Variants in GPAT3 observed in about 807,000 individuals in gnomAD.
GPAT3 encodes 1-AGP acyltransferase 9.
In GPAT3, 53 loss-of-function variants were observed where a neutral mutation model predicts 58.8. That is an observed-to-expected ratio of 0.90 (90% CI 0.72 to 1.13). The LOEUF (loss-of-function observed/expected upper bound fraction) is 1.13. Ranked by LOEUF, GPAT3 falls within the 50% of genes most tolerant of loss-of-function variation. The pLI, the probability that GPAT3 is intolerant of heterozygous loss-of-function variation, is 0.00. For synonymous variants in GPAT3, 197 were observed against 187.4 expected (o/e 1.05, Z -0.42); for missense variants, 511 against 527.6 (o/e 0.97, Z 0.31).
At chr4:83,578,256 A>G (rs1046499847) in intron 2 of GPAT3, among the ~76,000 whole-genome samples, 51 of 152,150 alleles carry the variant, frequency 3.4e-4, no homozygotes, top group African/African-American at 1.2e-3. Context: ...AATTTTTTGT[A>G]TGTCTTAATA....
At chr4:83,547,275 T>C (rs1261587276) in intron 2 of GPAT3, among the ~76,000 whole-genome samples, 40 of 128,418 alleles carry the variant, frequency 3.1e-4, no homozygotes, top group African/African-American at 5.9e-4. Context: ...TTTTTTGAGA[T>C]GGAGTCTTGC....
At chr4:83,586,944 T>C (rs1726396078) in intron 3 of GPAT3, among the ~76,000 whole-genome samples, 1 of 152,242 alleles carries the variant, frequency 6.6e-6, no homozygotes, top group Non-Finnish European at 1.5e-5. Context: ...CTTGATAGTT[T>C]TGTGAAAATT....
At chr4:83,539,526 G>A (rs1250516906) in intron 1 of GPAT3, among the ~76,000 whole-genome samples, 2 of 152,078 alleles carry the variant, frequency 1.3e-5, no homozygotes, top group African/African-American at 4.8e-5. Flanking sequence ...ATGTGTGTAG[G>A]GTACCCTCTA....
In GPAT3 at chr4:83,536,237, C is replaced by T. The variant is rs1724075845; in HGVS notation, c.-386C>T. 4.0e-6 allele frequency: 4 copies of T among 1,001,338 alleles called. No individual in the cohort carries two copies. Among genetic ancestry groups the T allele is most frequent in the Admixed American group, 6.0e-5 (1 of 16,636 alleles). The allele number at this position is 1,001,338 out of a possible 1,614,324, so 62.0% of individuals were successfully genotyped here. A position where few individuals can be genotyped will look rare whatever the true frequency, so the allele number is the denominator to read the frequency against. ...TCATCTGCTGAGTTGTCGCAATCGC[C>T]ACCCAGAGGAAATCAGGCACCGGGC... is the stretch of plus-strand genomic sequence containing the variant. On this transcript the variant is annotated 5_prime_UTR_variant, in exon 1 of 12. Coordinates refer to ENST00000264409, the MANE Select transcript of GPAT3 (RefSeq NM_032717.5).
At chr4:83,559,434 C>T (rs1216995544) in intron 2 of GPAT3, among the ~76,000 whole-genome samples, 1 of 152,114 alleles carries the variant, frequency 6.6e-6, no homozygotes. Flanking sequence ...AGCGATTCTC[C>T]TGCCTCAGCC....
Position 83,553,330 on chromosome 4 carries a change from A to G in GPAT3, c.208+8728A>G, listed in dbSNP as rs1354015603. On this transcript the variant is annotated intron_variant, in intron 2 of 11. Coordinates refer to ENST00000264409, the MANE Select transcript of GPAT3 (RefSeq NM_032717.5). ...TCTAAGGAAACTAGCTAGGACATTC[A>G]TAAAATGTCTTGAATTATTTTTTAG... Among the ~76,000 whole-genome samples the G allele has an allele frequency of 2.0e-5, 3 of 152,392 alleles. No individual in the cohort carries two copies. In the East Asian group the frequency reaches 5.8e-4, roughly 29 times the overall value.
In GPAT3 at chr4:83,555,150, T is replaced by C. The variant is rs76111281; in HGVS notation, c.208+10548T>C. On this transcript the variant is annotated intron_variant, in intron 2 of 11. Coordinates refer to ENST00000264409, the MANE Select transcript of GPAT3 (RefSeq NM_032717.5). ...TGTCACTGTGACATAATAAGAAATA[T>C]GTATTAGACTTCTGCTCCCTCTCCC... Among the ~76,000 whole-genome samples, 769 of 152,212 alleles carry C rather than the reference T, an allele frequency of 5.1e-3. 8 individuals carry two copies. Among genetic ancestry groups the C allele is most frequent in the African/African-American group, 0.018 (729 of 41,554 alleles).
chr4:83,538,702 CA>C (rs2110067031), intron 1 of GPAT3, among the ~76,000 whole-genome samples: 1 of 152,286 alleles, frequency 6.6e-6, no homozygotes, highest in African/African-American at 2.4e-5. Flanking sequence ...GGATGATCTC[CA>C]GTCCAGGATC....
chr4:83,585,040 G>A (rs539419944), intron 3 of GPAT3, among the ~76,000 whole-genome samples: 1 of 152,200 alleles, frequency 6.6e-6, no homozygotes, highest in African/African-American at 2.4e-5. Context: ...TTTAATGGAT[G>A]GGAACAAGTG....
rs576522225 is a variant in GPAT3, at chr4:83,588,502, C to T, written c.644+203C>T. On this transcript the variant is annotated intron_variant, in intron 5 of 11. Coordinates refer to ENST00000264409, the MANE Select transcript of GPAT3 (RefSeq NM_032717.5). ...TGCAGAAAGAATATAATAATAAACA[C>T]GTAGTTGTGCTCAATAATTGGGCAT... is the stretch of plus-strand genomic sequence containing the variant. Among the ~76,000 whole-genome samples the T allele has an allele frequency of 1.2e-3, 176 of 152,288 alleles. 2 individuals are homozygous for T. The Middle Eastern group carries it at 0.027, about 24-fold the overall frequency.
chr4:83,546,005 G>A (rs896996593), intron 2 of GPAT3, among the ~76,000 whole-genome samples: 1 of 151,854 alleles, frequency 6.6e-6, no homozygotes, highest in East Asian at 1.9e-4. Flanking sequence ...CTGCTTTTGA[G>A]ACAAAGTCTC....
chr4:83,581,635 T>G lies in GPAT3; in HGVS notation c.282T>G (p.Ser94=), dbSNP rs760440109. ...TACGAGGAAGGGACTTTGAGCTGTC[T>G]GACGTGTTTTATTTCTCCAAGAAGG... ...SGLRGRDFEL[S]DVFYFSKKGL... is the part of the protein sequence containing the mutation. The change falls in exon 3 of 12, where the codon TCT becomes TCG. Residue 94 remains serine (S), a synonymous_variant. Transcript: ENST00000264409. 17 of 1,614,218 alleles carry G rather than the reference T, an allele frequency of 1.1e-5. No homozygotes were observed. In the East Asian group the frequency reaches 3.8e-4, roughly 36 times the overall value.
At chr4:83,575,602 G>T (rs531151988) in intron 2 of GPAT3, among the ~76,000 whole-genome samples, 1 of 152,034 alleles carries the variant, frequency 6.6e-6, no homozygotes, top group East Asian at 1.9e-4. Context: ...TTTTAGTAGA[G>T]ACGGGGTTTC....
At chr4:83,574,738 A>G (rs1725731443) in intron 2 of GPAT3, among the ~76,000 whole-genome samples, 1 of 136,082 alleles carries the variant, frequency 7.3e-6, no homozygotes, top group African/African-American at 2.7e-5. Flanking sequence ...GGATTAACTT[A>G]TTAAAAATAA....
intron 2 of GPAT3, among the ~76,000 whole-genome samples, chr4:83,562,213 A>ATATATATATATATATAATATATATATAT (rs1560611104): frequency 5.4e-4 from 11 of 20,382 alleles, no homozygotes; most frequent in African/African-American, 3.4e-3. Flanking sequence ...TATATATATT[A>ATATATATATATATATAATATATATATAT]TATATATATA....
rs142760063 is a variant in GPAT3 at position 83,547,806 on chromosome 4, C to A, written c.208+3204C>A. On this transcript the variant is annotated intron_variant, in intron 2 of 11. Transcript: ENST00000264409. ...TTCAGATATGATTATGGGTAAATCT[C>A]GTTAAGAAGCTCTGTTATTGCACTT... 2.4e-3 allele frequency among the ~76,000 whole-genome samples: 361 copies of A among 150,764 alleles called. 3 individuals carry two copies. The highest frequency in any genetic ancestry group is 0.018 in the Admixed American group (277 of 15,138).
upstream of GPAT3, chr4:83,535,719 C>A (rs1724051162): frequency 3.0e-6 from 3 of 985,354 alleles, no homozygotes; most frequent in South Asian, 1.4e-4. Context: ...GATTGAGCCC[C>A]ACAGCTGTAG....
chr4:83,598,582 G>A lies in GPAT3; in HGVS notation c.1126-62G>A. The A allele has an allele frequency of 2.4e-6, 3 of 1,261,708 alleles. 1 individual carries two copies. The highest frequency in any genetic ancestry group is 3.8e-4 in the Middle Eastern group (2 of 5,274). The allele number at this position is 1,261,708 out of a possible 1,614,324, so 78.2% of individuals were successfully genotyped here. ...TTTTAAAACAAATACAAATGATTAT[G>A]AGATGGTATTAAAAACTCGATAACT... On this transcript the variant is annotated intron_variant, in intron 10 of 11. Transcript: ENST00000264409.
intron 6 of GPAT3, among the ~76,000 whole-genome samples, chr4:83,593,704 T>G (rs1183519691): frequency 1.3e-5 from 2 of 152,152 alleles, no homozygotes; most frequent in Non-Finnish European, 2.9e-5. Flanking sequence ...TCAGGATGTT[T>G]TGCAGTTCTT....
Sources: allele counts gnomAD v4.1 joint callset (sites outside exome capture counted in the v4.1 genomes callset), GRCh38; gene constraint gnomAD v4.1.1; transcripts MANE v1.5; gene names NCBI Gene and HGNC (gene_info 2026-07-23, HGNC 2026-07-21).